PADI6: variants seen among roughly 807,000 people sequenced by gnomAD.
PADI6 encodes the protein peptidyl arginine deiminase 6.
Under a neutral mutation model 78.2 loss-of-function variants are expected in PADI6, and 66 were observed. The ratio of observed to expected loss-of-function variants is 0.84; its 90% CI spans 0.69 to 1.04. The LOEUF (loss-of-function observed/expected upper bound fraction) is 1.04. PADI6 is among the 50% of genes least tolerant of loss of function. The pLI, the probability that PADI6 is intolerant of heterozygous loss-of-function variation, is 0.00. For missense variants in PADI6, 854 were observed against 866.1 expected (o/e 0.99, Z 0.18); for synonymous variants, 397 against 346.9 (o/e 1.14, Z -1.60).
At chr1:17,399,737 A>G (rs1366220988) in intron 15 of PADI6, among the ~76,000 whole-genome samples, 1 of 139,096 alleles carries the variant, frequency 7.2e-6, no homozygotes, top group Non-Finnish European at 1.6e-5. Context: ...TTTAAAAAAA[A>G]GAAAAAAAAA....
At chr1:17,399,895 G>A (rs1322779108) in intron 15 of PADI6, among the ~76,000 whole-genome samples, 2 of 151,950 alleles carry the variant, frequency 1.3e-5, no homozygotes. Flanking sequence ...AACTAGCTGG[G>A]TGTGGTGGTG....
chr1:17,384,335 TG>T (rs1184397149), intron 6 of PADI6, among the ~76,000 whole-genome samples: 1 of 152,140 alleles, frequency 6.6e-6, no homozygotes, highest in African/African-American at 2.4e-5. Flanking sequence ...GGCTCACACC[TG>T]TAATCCCAGC....
At chr1:17,377,054 C>CA (rs2075026527) in intron 3 of PADI6, among the ~76,000 whole-genome samples, 1 of 152,090 alleles carries the variant, frequency 6.6e-6, no homozygotes, top group Non-Finnish European at 1.5e-5. Flanking sequence ...TTTATACAGA[C>CA]ATAGGTATCC....
At chr1:17,375,142 C>T (rs967334130) in intron 2 of PADI6, among the ~76,000 whole-genome samples, 2 of 152,154 alleles carry the variant, frequency 1.3e-5, no homozygotes, top group African/African-American at 2.4e-5. Context: ...GGATAAGTCC[C>T]TTGATCACCC....
chr1:17,372,329 G>A lies in PADI6; in HGVS notation c.84G>A (p.Val28=), dbSNP rs759252198. 6.2e-7 allele frequency: 1 copy of A among 1,613,852 alleles called. No individual in the cohort carries two copies. The highest frequency in any genetic ancestry group is 1.1e-5 in the South Asian group (1 of 91,088). ...SLDSPVHAVC[V]LGTEICLDLS... Reference sequence around the variant, plus strand: ...ACAGCCCTGTCCATGCCGTTTGTGTGTTGGGCACAGAAATCTGCTTGGATC... The same window carrying A: ...ACAGCCCTGTCCATGCCGTTTGTGTATTGGGCACAGAAATCTGCTTGGATC... Residue 28 remains valine, a synonymous_variant, in exon 1 of 16, where the codon GTG becomes GTA. Transcript: ENST00000619609.
chr1:17,374,154 G>T (rs2074992690), intron 2 of PADI6, among the ~76,000 whole-genome samples: 1 of 152,074 alleles, frequency 6.6e-6, no homozygotes, highest in African/African-American at 2.4e-5. Flanking sequence ...GTGCGGGGCT[G>T]GGGGTGAGAA....
intron 2 of PADI6, 43 bp from the exon 3 acceptor site, chr1:17,375,384 C>T: frequency 6.4e-7 from 1 of 1,560,058 alleles, no homozygotes; most frequent in Non-Finnish European, 8.8e-7. Context: ...CCTGGCACCT[C>T]CCGTCCAACA....
chr1:17,396,900 A>C (rs925784713), intron 13 of PADI6, among the ~76,000 whole-genome samples, 171 bp from the exon 14 acceptor site: 1 of 152,106 alleles, frequency 6.6e-6, no homozygotes, highest in African/African-American at 2.4e-5. Context: ...CAGTCCCCAG[A>C]AGGAAGATAT....
Position 17,392,105 on chromosome 1 carries a change from C to A in PADI6, c.963-9C>A. On this transcript the variant is annotated splice_polypyrimidine_tract_variant and intron_variant, in intron 8 of 15. Transcript: ENST00000619609. ...AGCCTTCCCAGAACTGGCTTCTCTC[C>A]CATGGCAGGGAGCTGCAGCTGCAGG... 1.9e-6 allele frequency: 3 copies of A among 1,553,478 alleles called. No homozygotes were observed. Among genetic ancestry groups the A allele is most frequent in the Non-Finnish European group, 2.6e-6 (3 of 1,148,078 alleles).
intron 3 of PADI6, among the ~76,000 whole-genome samples, chr1:17,378,511 G>A (rs1174092290): frequency 2.0e-5 from 3 of 152,234 alleles, no homozygotes; most frequent in African/African-American, 7.2e-5. Context: ...TGTCCCTTGT[G>A]TGGTGGAAGG....
rs936511420 is a variant in PADI6 at position 17,386,544 on chromosome 1, G to A, written c.680-1837G>A. ...TGCTGATGCTATCGCAGGTCAAGAG[G>A]GCTGTGTCTGCACTGGGAAGTTGCA... is the stretch of plus-strand genomic sequence containing the variant. On this transcript the variant is annotated intron_variant, in intron 6 of 15. Transcript: ENST00000619609. 5.3e-5 allele frequency among the ~76,000 whole-genome samples: 8 copies of A among 152,348 alleles called. No individual in the cohort carries two copies. The South Asian group carries it at 6.2e-4, about 12-fold the overall frequency.
In PADI6 at chr1:17,398,724, G is replaced by T; in HGVS notation, c.1728G>T (p.Glu576Asp). Residue 576 changes from glutamate (E) to aspartate (D), a missense_variant, in exon 15 of 16, where the codon GAG (glutamate) becomes GAT (aspartate). Glu to Asp is a conservative substitution (Grantham distance 45). Transcript: ENST00000619609. ...TGAACCGTGACATCCTGAAGACGGA[G>T]CTGGGCCTGGTGGAACAGGACATCA... ...IHLNRDILKTELGLVEQDIIE... is the reference protein window; with the variant it reads ...IHLNRDILKTDLGLVEQDIIE... 6.4e-7 allele frequency: 1 copy of T among 1,567,166 alleles called. No individual in the cohort carries two copies. Among genetic ancestry groups the T allele is most frequent in the Non-Finnish European group, 8.6e-7 (1 of 1,158,688 alleles).
intron 3 of PADI6, among the ~76,000 whole-genome samples, chr1:17,376,484 TG>T (rs34009697): frequency 0.058 from 8,786 of 150,854 alleles, 577 homozygotes; most frequent in African/African-American, 0.16. Flanking sequence ...TTATTTTTAG[TG>T]GGCTAATTTT....
chr1:17,401,556 C>T lies in PADI6; in HGVS notation c.*118C>T, dbSNP rs2075301612. On this transcript the variant is annotated 3_prime_UTR_variant, in exon 16 of 16. Transcript: ENST00000619609. ...GAGAGTCCAGGCAACAGAACCCTTT[C>T]TTCCCTGTCTGCCCCGACCGACCCT... 1.0e-6 allele frequency: 1 copy of T among 959,494 alleles called. No homozygotes were observed. Among genetic ancestry groups the T allele is most frequent in the East Asian group, 2.6e-5 (1 of 37,998 alleles). 59.4% of individuals were successfully genotyped at this position (959,494 alleles called of 1,614,324 possible).
intron 11 of PADI6, 100 bp downstream of exon 11, chr1:17,394,554 CTG>C: frequency 7.8e-7 from 1 of 1,280,458 alleles, no homozygotes; most frequent in Non-Finnish European, 1.1e-6. Flanking sequence ...GTCACACACA[CTG>C]GACCATTTCT....
intron 4 of PADI6, among the ~76,000 whole-genome samples, chr1:17,380,831 T>C (rs1383860559): frequency 6.6e-6 from 1 of 152,146 alleles, no homozygotes; most frequent in Non-Finnish European, 1.5e-5. Context: ...GGTAAGTAAC[T>C]GGTAACCCCG....
chr1:17,384,445 T>C (rs1243937500), intron 6 of PADI6, among the ~76,000 whole-genome samples: 3 of 151,990 alleles, frequency 2.0e-5, no homozygotes, highest in Non-Finnish European at 4.4e-5. Flanking sequence ...AGATTATTTT[T>C]ATAAAGAAGC....
At chr1:17,380,386 G>T (rs970160820) in intron 4 of PADI6, among the ~76,000 whole-genome samples, 9 of 148,616 alleles carry the variant, frequency 6.1e-5, no homozygotes, top group South Asian at 2.1e-4. Context: ...ATTTTTTTTT[G>T]AGACGGAGTC....
chr1:17,376,033 G>A (rs138465107), intron 3 of PADI6, among the ~76,000 whole-genome samples: 27 of 151,604 alleles, frequency 1.8e-4, no homozygotes, highest in African/African-American at 5.1e-4. Context: ...GGAGTACAGT[G>A]GCATGATCTC....
Sources: gnomAD v4.1 joint callset for allele counts (sites outside exome capture counted in the v4.1 genomes callset) on GRCh38, gnomAD v4.1.1 for gene constraint, MANE v1.5 for transcripts, NCBI Gene and HGNC (gene_info 2026-07-23, HGNC 2026-07-21) for gene names.